Variants in TBC1D9B observed in about 807,000 individuals in gnomAD.
The protein encoded by TBC1D9B is TBC1 domain family, member 9B (with GRAM domain).
Under a neutral mutation model 121.1 loss-of-function variants are expected in TBC1D9B, and 87 were observed. That is an observed-to-expected ratio of 0.72 (90% CI 0.60 to 0.86). The LOEUF (loss-of-function observed/expected upper bound fraction) is 0.86. Ranked by LOEUF, TBC1D9B falls within the 40% of genes least tolerant of loss-of-function variation. The pLI, the probability that TBC1D9B is intolerant of heterozygous loss-of-function variation, is 0.00. For synonymous variants in TBC1D9B, 668 were observed against 670.1 expected (o/e 1.00, Z 0.05); for missense variants, 1,540 against 1,628.6 (o/e 0.95, Z 0.94).
chr5:179,893,102 A>C, intron 5 of TBC1D9B, 107 bp downstream of exon 5: 1 of 1,460,210 alleles, frequency 6.8e-7, no homozygotes, highest in Non-Finnish European at 9.1e-7. Context: ...ATGAGGGGTG[A>C]ATGTGGACAC....
chr5:179,907,798 C>A lies in TBC1D9B; in HGVS notation c.24G>T (p.Val8=). The A allele has an allele frequency of 8.2e-7, 1 of 1,218,044 alleles. No individual in the cohort carries two copies. The allele number at this position is 1,218,044 out of a possible 1,614,324, so 75.5% of individuals were successfully genotyped here. A position where few individuals can be genotyped will look rare whatever the true frequency, so the allele number is the denominator to read the frequency against. ...TCACCCACAGCGCATTGGCCACCAG[C>A]ACCTCCTCCGGGCTCAGCCACATCG... MWLSPEE[V]LVANALWVTE... is the part of the protein sequence containing the mutation. Residue 8 remains valine, a synonymous_variant, in exon 1 of 21, where the codon GTG becomes GTT. Coordinates refer to ENST00000355235, the MANE Select transcript of TBC1D9B (RefSeq NM_015043.4). This position sits in a 1 kb window ranked among gnomAD's most constrained non-coding sequence, Gnocchi z 5.3.
chr5:179,872,951 G>A lies in TBC1D9B; in HGVS notation c.2356C>T (p.Arg786Trp), dbSNP rs200596277. 12 of 1,594,274 alleles carry A rather than the reference G, an allele frequency of 7.5e-6. No homozygotes were observed. Among genetic ancestry groups the A allele is most frequent in the African/African-American group, 4.1e-5 (3 of 72,860 alleles). ...SLRAEDIEQM[R>W]FKQRLKVIQS... The stretch of plus-strand genomic sequence containing the variant: ...ATCACTTTCAGCCTCTGTTTAAACC[G>A]CATCTGCTCAATGTCTTCGGCCCTC... Residue 786 changes from arginine (R) to tryptophan (W), a missense_variant, in exon 14 of 21, where the codon CGG becomes TGG. Coordinates refer to ENST00000355235, the MANE Select transcript of TBC1D9B (RefSeq NM_015043.4).
intron 2 of TBC1D9B, among the ~76,000 whole-genome samples, chr5:179,901,717 G>A (rs2113650458): frequency 6.6e-6 from 1 of 152,328 alleles, no homozygotes; most frequent in African/African-American, 2.4e-5. Context: ...GCAGTGAGCT[G>A]TGATTGCACC....
chr5:179,872,522 T>C (rs1291466572), intron 14 of TBC1D9B: 1 of 255,898 alleles, frequency 3.9e-6, no homozygotes, highest in African/African-American at 2.2e-5. Flanking sequence ...CAGCAGCTTG[T>C]GGCAGACACA....
Position 179,879,756 on chromosome 5 carries a change from G to A in TBC1D9B, c.1288C>T (p.Pro430Ser), listed in dbSNP as rs1446325598. ...CTGAGGGGAGAGGCTGGGCTGGCGG[G>A]CTGCTCCGACCCCTCCTGAGGAGCT... ...SPAPQEGSEQ[P>S]ASPASPLSSR... is the part of the protein sequence containing the mutation. The change falls in exon 8 of 21, where the codon CCC (proline) becomes TCC (serine). Residue 430 changes from proline to serine, a missense_variant. Pro to Ser is a moderately conservative substitution (Grantham distance 74, BLOSUM62 -1). Transcript: ENST00000355235. The A allele has an allele frequency of 6.2e-7, 1 of 1,613,828 alleles. No individual in the cohort carries two copies. The highest frequency in any genetic ancestry group is 8.5e-7 in the Non-Finnish European group (1 of 1,179,918).
chr5:179,874,911 A>G lies in TBC1D9B; in HGVS notation c.2177T>C (p.Met726Thr), dbSNP rs371821470. 1.6e-5 allele frequency: 26 copies of G among 1,613,244 alleles called. No homozygotes were observed. The African/African-American group carries it at 3.1e-4, about 19-fold the overall frequency. The part of the protein sequence containing the change: ...GCSDEGEAMT[M>T]LGRYLDNVVN... ...GAACCCGGCATGTCACCTGCCCAGC[A>G]TGGTCATGGCCTCGCCCTCGTCGCT... The change falls in exon 12 of 21, where the codon ATG (methionine) becomes ACG (threonine). Residue 726 changes from methionine (M) to threonine (T), a missense_variant. Met to Thr is a moderately conservative substitution (Grantham distance 81, BLOSUM62 -1). Transcript: ENST00000355235. This position sits in a 1 kb window ranked among gnomAD's most constrained non-coding sequence, Gnocchi z 4.3.
Position 179,865,472 on chromosome 5 carries a change from C to A in TBC1D9B, c.2915-112G>T. ...TGGCATGGAGTTACCAGGGCCCTAT[C>A]ATAAAACACCCTGGCGTTTGGGAAG... On this transcript the variant is annotated intron_variant, in intron 19 of 20. Coordinates refer to ENST00000355235, the MANE Select transcript of TBC1D9B (RefSeq NM_015043.4). This position sits in a 1 kb window ranked among gnomAD's most constrained non-coding sequence, Gnocchi z 5.1. 1.0e-6 allele frequency: 1 copy of A among 994,394 alleles called. No individual in the cohort carries two copies. Among genetic ancestry groups the A allele is most frequent in the Non-Finnish European group, 1.6e-6 (1 of 639,908 alleles). 61.6% of individuals were successfully genotyped at this position (994,394 alleles called of 1,614,324 possible). A position where few individuals can be genotyped will look rare whatever the true frequency, so the allele number is the denominator to read the frequency against.
chr5:179,877,070 C>CAAAAAAA (rs58537646), intron 10 of TBC1D9B, among the ~76,000 whole-genome samples: 3 of 34,142 alleles, frequency 8.8e-5, no homozygotes, highest in African/African-American at 2.9e-4. Flanking sequence ...GATCCTGTCT[C>CAAAAAAA]AAAAAAAAAA....
chr5:179,903,640 T>C (rs901487978), intron 2 of TBC1D9B, among the ~76,000 whole-genome samples: 1 of 152,218 alleles, frequency 6.6e-6, no homozygotes, highest in African/African-American at 2.4e-5. Context: ...TTAATACGTA[T>C]TCCTGATCGA....
intron 3 of TBC1D9B, among the ~76,000 whole-genome samples, chr5:179,896,299 C>T (rs1200675249): frequency 1.3e-5 from 2 of 152,122 alleles, no homozygotes; most frequent in African/African-American, 2.4e-5. Context: ...TAACAGAGCC[C>T]CAGCCAAGAA....
chr5:179,880,954 C>T (rs375294413), intron 7 of TBC1D9B, among the ~76,000 whole-genome samples: 8 of 152,214 alleles, frequency 5.3e-5, no homozygotes, highest in South Asian at 2.1e-4. Context: ...AGGACACACA[C>T]GGGCTCGCAG....
At position 179,873,157 on chromosome 5, in the gene TBC1D9B, C is replaced by G. The variant is rs1159602879; in HGVS notation, c.2278G>C (p.Glu760Gln). Reference protein sequence around the residue: ...LLSSSDDPPAEVDIFELLKVS... With the variant: ...LLSSSDDPPAQVDIFELLKVS... ...TTCAGGAGCTCAAAGATGTCCACCTCTGCAGGGGGGTCATCGCTGCTGCTC... is the reference window on the plus strand; with the variant it reads ...TTCAGGAGCTCAAAGATGTCCACCTGTGCAGGGGGGTCATCGCTGCTGCTC... Residue 760 changes from glutamate (E) to glutamine (Q), a missense_variant, in exon 13 of 21, where the codon GAG becomes CAG. Physicochemically the swap from Glu to Gln is conservative, Grantham distance 29. Transcript: ENST00000355235. 5.0e-6 allele frequency: 8 copies of G among 1,612,862 alleles called. No homozygotes were observed. The Admixed American group carries it at 6.7e-5, about 13-fold the overall frequency.
chr5:179,877,736 A>G (rs1348797048), intron 10 of TBC1D9B, among the ~76,000 whole-genome samples: 1 of 152,184 alleles, frequency 6.6e-6, no homozygotes, highest in Non-Finnish European at 1.5e-5. Context: ...AGCCTGAGAA[A>G]GAAATTCTGA....
Position 179,863,562 on chromosome 5 carries a change from C to A in TBC1D9B, c.3588G>T (p.Leu1196=), listed in dbSNP as rs2113594588. ...ILASILTESV[L]VNFFEKRVDI... ...CCACTCTCTTCTCAAAGAAGTTCAC[C>A]AGCACGGACTCCGTCAGGATGGAGG... is the stretch of plus-strand genomic sequence containing the variant. The change falls in exon 21 of 21, where the codon CTG becomes CTT. Residue 1196 remains leucine, a synonymous_variant. Transcript: ENST00000355235. This position sits in a 1 kb window ranked among gnomAD's most constrained non-coding sequence, Gnocchi z 4.5. The A allele has an allele frequency of 6.2e-7, 1 of 1,614,180 alleles. No homozygotes were observed. The highest frequency in any genetic ancestry group is 2.2e-5 in the East Asian group (1 of 44,878).
chr5:179,889,616 T>G (rs193120785), intron 6 of TBC1D9B, among the ~76,000 whole-genome samples: 163 of 152,158 alleles, frequency 1.1e-3, no homozygotes, highest in Non-Finnish European at 1.9e-3. Flanking sequence ...GGCTCAGGCC[T>G]GTAATCCCAG....
intron 1 of TBC1D9B, among the ~76,000 whole-genome samples, chr5:179,905,982 C>T (rs152233): frequency 0.44 from 67,211 of 152,086 alleles, 15,591 homozygotes; most frequent in East Asian, 0.76. Flanking sequence ...TGGGTTCAAG[C>T]GATTCTCGTG....
At chr5:179,893,541 C>G (rs1448940213) in intron 4 of TBC1D9B, 74 bp from the exon 5 acceptor site, 2 of 1,522,262 alleles carry the variant, frequency 1.3e-6, no homozygotes, top group Non-Finnish European at 1.8e-6. Flanking sequence ...ATCTGTACCC[C>G]AGACCCATCC....
At chr5:179,900,580 C>A (rs1224281543) in intron 2 of TBC1D9B, among the ~76,000 whole-genome samples, 2 of 152,168 alleles carry the variant, frequency 1.3e-5, no homozygotes, top group Non-Finnish European at 2.9e-5. Context: ...GAACCAGTAC[C>A]CTGGGGGAAC....
At position 179,879,166 on chromosome 5, in the gene TBC1D9B, T is replaced by C; in HGVS notation, c.1448A>G (p.His483Arg). The change falls in exon 9 of 21, where the codon CAC (histidine) becomes CGC (arginine). Residue 483 changes from histidine (H) to arginine (R), a missense_variant. Coordinates refer to ENST00000355235, the MANE Select transcript of TBC1D9B (RefSeq NM_015043.4). ...AKEKMKEESWHIHFFEYGRGV... is the reference protein window; with the variant it reads ...AKEKMKEESWRIHFFEYGRGV... The stretch of plus-strand genomic sequence containing the variant: ...ACGCCCGTACTCGAAGAAGTGGATG[T>C]GCCATGACTCCTCTTTCATCTTCTC... 6.2e-7 allele frequency: 1 copy of C among 1,604,948 alleles called. No homozygotes were observed. Among genetic ancestry groups the C allele is most frequent in the Non-Finnish European group, 8.5e-7 (1 of 1,179,454 alleles).
Sources: gnomAD v4.1 joint callset for allele counts (sites outside exome capture counted in the v4.1 genomes callset) on GRCh38, gnomAD v4.1.1 for gene constraint, Gnocchi (gnomAD v3.1) non-coding constraint, MANE v1.5 for transcripts, NCBI Gene and HGNC (gene_info 2026-07-23, HGNC 2026-07-21) for gene names.